CELSR1: variants seen among roughly 807,000 people sequenced by gnomAD.
CELSR1 encodes cadherin EGF LAG seven-pass G-type receptor 1, also known as adhesion G protein-coupled receptor C1.
A neutral mutation model predicts 249.1 loss-of-function variants in CELSR1; 110 were observed. That is an observed-to-expected ratio of 0.44 (90% confidence interval 0.38 to 0.52). The LOEUF (loss-of-function observed/expected upper bound fraction) is 0.52, where lower values mean the gene tolerates loss of function less well. CELSR1 is among the 20% of genes least tolerant of loss of function. The pLI is 0.00. For synonymous variants in CELSR1, 2,113 were observed against 1,900.0 expected (o/e 1.11, Z -2.92); for missense variants, 4,109 against 4,296.4 (o/e 0.96, Z 1.22).
In CELSR1 at chr22:46,410,646, G is replaced by C. The variant is rs2079323853; in HGVS notation, c.4770-85C>G. 7.1e-7 allele frequency: 1 copy of C among 1,400,564 alleles called. No individual in the cohort carries two copies. Among genetic ancestry groups the C allele is most frequent in the Non-Finnish European group, 9.9e-7 (1 of 1,006,490 alleles). The allele number at this position is 1,400,564 out of a possible 1,614,324, so 86.8% of individuals were successfully genotyped here. ...TGGGCTCCGCAGTTGCCTCTGTGTA[G>C]CCTCTACCACCATAACTACTTCAGA... On this transcript the variant is annotated intron_variant, in intron 6 of 34. Transcript: ENST00000674500. This position sits in a 1 kb window ranked among gnomAD's most constrained non-coding sequence, Gnocchi z 6.8.
Position 46,463,887 on chromosome 22 carries a change from T to C in CELSR1, c.4003A>G (p.Thr1335Ala), listed in dbSNP as rs558454875. ...DSSAPFLSST[T>A]VLFRPIHPIN... is the part of the protein sequence containing the mutation. ...GGGTGGATGGGCCGGAAGAGCACGG[T>C]GGTGGAGCTGAGGAAGGGCGCGGAG... Residue 1335 changes from threonine (T) to alanine (A), a missense_variant, in exon 2 of 35, where the codon ACC (threonine) becomes GCC (alanine). Transcript: ENST00000674500. The C allele has an allele frequency of 3.0e-5, 49 of 1,612,862 alleles. No homozygotes were observed. In the South Asian group the frequency reaches 4.2e-4, roughly 14 times the overall value.
At chr22:46,443,263 C>T (rs2079775858) in intron 2 of CELSR1, among the ~76,000 whole-genome samples, 1 of 152,226 alleles carries the variant, frequency 6.6e-6, no homozygotes. Flanking sequence ...CTCACAGGCA[C>T]CAGAGCTGAC....
chr22:46,366,504 C>G, intron 29 of CELSR1, 24 bp from the exon 30 acceptor site: 1 of 1,533,750 alleles, frequency 6.5e-7, no homozygotes. Flanking sequence ...AGGGGCTGGT[C>G]ACTGCCAAGT....
rs572721919 is a variant in CELSR1 at position 46,393,358 on chromosome 22, C to T, written c.5964+784G>A. 1.3e-5 allele frequency among the ~76,000 whole-genome samples: 2 copies of T among 152,232 alleles called. No individual in the cohort carries two copies. The highest frequency in any genetic ancestry group is 6.5e-5 in the Admixed American group (1 of 15,292). On this transcript the variant is annotated intron_variant, in intron 14 of 34. Coordinates refer to ENST00000674500, the MANE Select transcript of CELSR1 (RefSeq NM_001378328.1). The surrounding 1 kb of genome is among the most constrained non-coding windows in gnomAD (Gnocchi z 4.1). ...GTGCTGCATGCAGGTTAGGACTGAC[C>T]GCCCTGGACAGGCGTGGGGCATAAC... is the stretch of plus-strand genomic sequence containing the variant.
intron 1 of CELSR1, among the ~76,000 whole-genome samples, chr22:46,479,136 G>A (rs539361420): frequency 8.2e-4 from 125 of 151,734 alleles, no homozygotes; most frequent in Non-Finnish European, 1.6e-3. Flanking sequence ...CTCCTTGCCC[G>A]GAGTCTCGCA....
intron 13 of CELSR1, 87 bp from the exon 14 acceptor site, chr22:46,394,349 G>A: frequency 1.3e-6 from 2 of 1,483,570 alleles, no homozygotes; most frequent in Non-Finnish European, 9.0e-7. Context: ...CATGGAGATG[G>A]TTGCCCAGGA....
At chr22:46,378,485 G>T in intron 23 of CELSR1, 106 bp downstream of exon 23, 1 of 1,289,298 alleles carries the variant, frequency 7.8e-7, no homozygotes, top group Non-Finnish European at 1.1e-6. Flanking sequence ...GGCAGGCTCA[G>T]CAGGTTTGAG....
At chr22:46,522,329 G>C (rs1043212269) in intron 1 of CELSR1, among the ~76,000 whole-genome samples, 2 of 152,036 alleles carry the variant, frequency 1.3e-5, no homozygotes, top group African/African-American at 2.4e-5. Context: ...GGTAGAAATT[G>C]CCAATTCCTC....
intron 1 of CELSR1, among the ~76,000 whole-genome samples, chr22:46,483,255 C>G (rs1372419791): frequency 6.6e-6 from 1 of 152,052 alleles, no homozygotes; most frequent in African/African-American, 2.4e-5. Context: ...TAGAAAGAAC[C>G]TTATTAATAA....
chr22:46,366,336 C>A, intron 30 of CELSR1, 50 bp downstream of exon 30: 1 of 1,348,008 alleles, frequency 7.4e-7, no homozygotes, highest in Non-Finnish European at 9.8e-7. Flanking sequence ...AGGGGCAAAA[C>A]CTGAGGGAGT....
chr22:46,395,803 C>A lies in CELSR1; in HGVS notation c.5843+802G>T, dbSNP rs1218502512. ...TTGGTTTATGAAGAACCCAGCAGCT[C>A]CACCTTGGACAAAGTGACGCTTGTG... On this transcript the variant is annotated intron_variant, in intron 13 of 34. Transcript: ENST00000674500. This position sits in a 1 kb window ranked among gnomAD's most constrained non-coding sequence, Gnocchi z 5.5. 6.6e-6 allele frequency among the ~76,000 whole-genome samples: 1 copy of A among 152,180 alleles called. No individual in the cohort carries two copies. Among genetic ancestry groups the A allele is most frequent in the Admixed American group, 6.5e-5 (1 of 15,280 alleles).
chr22:46,456,931 T>C (rs2079961827), intron 2 of CELSR1, among the ~76,000 whole-genome samples: 1 of 151,810 alleles, frequency 6.6e-6, no homozygotes, highest in Non-Finnish European at 1.5e-5. Context: ...CAATTGCTAT[T>C]GTCCCAGCCT....
chr22:46,459,504 G>T (rs1043623470), intron 2 of CELSR1, among the ~76,000 whole-genome samples: 1 of 152,192 alleles, frequency 6.6e-6, no homozygotes, highest in African/African-American at 2.4e-5. Flanking sequence ...GCCGGCCGTT[G>T]ACCCTCGAGG....
At position 46,428,418 on chromosome 22, in the gene CELSR1, C is replaced by T. The variant is rs2079559574; in HGVS notation, c.4611+4975G>A. ...GTGCCCCTTGGAGACCACCTGCTGCCCACGTAGAGGCTGCTGCCTCAAGCT... is the reference window on the plus strand; with the variant it reads ...GTGCCCCTTGGAGACCACCTGCTGCTCACGTAGAGGCTGCTGCCTCAAGCT... On this transcript the variant is annotated intron_variant, in intron 5 of 34. Coordinates refer to ENST00000674500, the MANE Select transcript of CELSR1 (RefSeq NM_001378328.1). The surrounding 1 kb of genome is among the most constrained non-coding windows in gnomAD (Gnocchi z 5.7). Among the ~76,000 whole-genome samples, 1 of 152,190 alleles carries T rather than the reference C, an allele frequency of 6.6e-6. No homozygotes were observed. Among genetic ancestry groups the T allele is most frequent in the South Asian group, 2.1e-4 (1 of 4,828 alleles).
In CELSR1 at chr22:46,518,351, T is replaced by C. The variant is rs2080649955; in HGVS notation, c.3544+15276A>G. On this transcript the variant is annotated intron_variant, in intron 1 of 34. Transcript: ENST00000674500. The surrounding 1 kb of genome is among the most constrained non-coding windows in gnomAD (Gnocchi z 5.2). ...GGCGCTCAGCCCGTGCCACACTCAG[T>C]CTCGTTAGAGGAGAACGAAGGGAGT... Among the ~76,000 whole-genome samples the C allele has an allele frequency of 1.3e-5, 2 of 152,184 alleles. No individual in the cohort carries two copies. Among genetic ancestry groups the C allele is most frequent in the Admixed American group, 6.6e-5 (1 of 15,266 alleles).
chr22:46,520,001 A>G (rs1359044665), intron 1 of CELSR1, among the ~76,000 whole-genome samples: 7 of 151,934 alleles, frequency 4.6e-5, no homozygotes, highest in African/African-American at 1.7e-4. Context: ...CCACCCGAGT[A>G]GGTGGGATTA....
At chr22:46,449,932 TCACA>T (rs746674269) in intron 2 of CELSR1, among the ~76,000 whole-genome samples, 1 of 124,520 alleles carries the variant, frequency 8.0e-6, no homozygotes, top group Admixed American at 7.5e-5. Flanking sequence ...GCTCACGTGC[TCACA>T]CACACTCACA....
chr22:46,503,622 G>T (rs2080486870), intron 1 of CELSR1, among the ~76,000 whole-genome samples: 1 of 152,158 alleles, frequency 6.6e-6, no homozygotes, highest in Admixed American at 6.5e-5. Flanking sequence ...AACCCTACGG[G>T]GTCAGTATTA....
rs1441440929 is a variant in CELSR1, at chr22:46,468,937, G to A, written c.3545-4592C>T. ...TAAAAATACAAAAAGCTAGTTGGGC[G>A]TGGTGGCACGTGCCTGTAGTCTCAG... On this transcript the variant is annotated intron_variant, in intron 1 of 34. Transcript: ENST00000674500. This position sits in a 1 kb window ranked among gnomAD's most constrained non-coding sequence, Gnocchi z 4.5. 2.0e-5 allele frequency among the ~76,000 whole-genome samples: 3 copies of A among 152,200 alleles called. No homozygotes were observed. The highest frequency in any genetic ancestry group is 3.9e-4 in the East Asian group (2 of 5,170).
Sources: gnomAD v4.1 joint callset for allele counts (sites outside exome capture counted in the v4.1 genomes callset) on GRCh38, gnomAD v4.1.1 for gene constraint, Gnocchi (gnomAD v3.1) non-coding constraint, MANE v1.5 for transcripts, NCBI Gene and HGNC (gene_info 2026-07-23, HGNC 2026-07-21) for gene names.